Variants in NRXN1 observed in about 807,000 individuals in gnomAD.
NRXN1 encodes the protein neurexin-1.
A neutral mutation model predicts 150.9 loss-of-function variants in NRXN1; 39 were observed. The observed-to-expected ratio is 0.26, with a 90% CI of 0.20 to 0.34. NRXN1 has a LOEUF of 0.34. Ranked by LOEUF, NRXN1 falls within the 10% of genes least tolerant of loss-of-function variation. The pLI, the probability that NRXN1 is intolerant of heterozygous loss-of-function variation, is 1.00. For missense variants in NRXN1, 1,815 were observed against 1,949.9 expected, an observed-to-expected ratio of 0.93 and a Z score of 1.30; for synonymous variants, 924 against 757.0, an observed-to-expected ratio of 1.22 and a Z score of -3.62.
chr2:50,915,462 G>A (rs1685081910), intron 5 of NRXN1, among the ~76,000 whole-genome samples: 1 of 151,556 alleles, frequency 6.6e-6, no homozygotes, highest in Admixed American at 6.6e-5. Flanking sequence ...CAAAGTGGAG[G>A]CAAGCCTATT....
intron 18 of NRXN1, among the ~76,000 whole-genome samples, chr2:50,192,165 T>C (rs1270601861): frequency 6.6e-6 from 1 of 152,200 alleles, no homozygotes; most frequent in Non-Finnish European, 1.5e-5. Flanking sequence ...AAATAATTTA[T>C]TCAATTTCAG....
intron 18 of NRXN1, among the ~76,000 whole-genome samples, chr2:50,141,369 T>C (rs1174920164): frequency 6.6e-6 from 1 of 151,662 alleles, no homozygotes; most frequent in African/African-American, 2.4e-5. Flanking sequence ...GAAAAAAACA[T>C]AGGGAAAACA....
intron 19 of NRXN1, 23 bp from the exon 20 acceptor site, chr2:50,055,067 T>C (rs771174924): frequency 6.6e-7 from 1 of 1,516,786 alleles, no homozygotes; most frequent in Non-Finnish European, 9.0e-7. Context: ...AAGAGACATT[T>C]CATTGGTTAA....
At chr2:51,024,402 T>C (rs539192013) in intron 2 of NRXN1, among the ~76,000 whole-genome samples, 1 of 152,166 alleles carries the variant, frequency 6.6e-6, no homozygotes, top group Admixed American at 6.5e-5. Flanking sequence ...GAAAATAATC[T>C]CAACCCGAAT....
At chr2:50,396,164 A>G (rs2082038838) in intron 17 of NRXN1, among the ~76,000 whole-genome samples, 1 of 152,194 alleles carries the variant, frequency 6.6e-6, no homozygotes, top group Non-Finnish European at 1.5e-5. Context: ...CACCCTCTGC[A>G]AGAGCACATG....
At chr2:50,490,054 G>C (rs887463906) in intron 15 of NRXN1, among the ~76,000 whole-genome samples, 2 of 152,232 alleles carry the variant, frequency 1.3e-5, no homozygotes, top group East Asian at 3.8e-4. Context: ...TCACATCTCT[G>C]TCTGTCTTTC....
At chr2:50,969,295 G>GC (rs1558508841) in intron 2 of NRXN1, among the ~76,000 whole-genome samples, 1 of 151,794 alleles carries the variant, frequency 6.6e-6, no homozygotes, top group African/African-American at 2.4e-5. Context: ...CTTTTCTTTT[G>GC]CTTCTTCATT....
At chr2:50,191,465 T>TA (rs2061438798) in intron 18 of NRXN1, among the ~76,000 whole-genome samples, 1 of 152,210 alleles carries the variant, frequency 6.6e-6, no homozygotes, top group African/African-American at 2.4e-5. Flanking sequence ...TTTGTATAGT[T>TA]ATAGGTAGTT....
rs558243226 is a variant in NRXN1, at chr2:50,454,422, A to C, written c.3364+11020T>G. Among the ~76,000 whole-genome samples, 81 of 152,268 alleles carry C rather than the reference A, an allele frequency of 5.3e-4. 1 individual carries two copies. Among genetic ancestry groups the C allele is most frequent in the African/African-American group, 1.9e-3 (78 of 41,550 alleles). ...TGAAGAAAATAGAAAATGTTTGCTA[A>C]ATCCATCATCTCCCATGATATGTAT... On this transcript the variant is annotated intron_variant, in intron 17 of 22. Transcript: ENST00000401669.
chr2:49,941,828 A>G (rs1310986066), intron 22 of NRXN1, among the ~76,000 whole-genome samples: 2 of 152,172 alleles, frequency 1.3e-5, no homozygotes, highest in African/African-American at 4.8e-5. Context: ...ATGCTAGAGG[A>G]TGTCAGAGAA....
chr2:50,231,238 C>T (rs1398084896), intron 18 of NRXN1, among the ~76,000 whole-genome samples: 1 of 151,280 alleles, frequency 6.6e-6, no homozygotes, highest in African/African-American at 2.4e-5. Context: ...CAAGGAAAAC[C>T]CTGAGGGGAA....
chr2:50,964,638 C>G (rs1195537854), intron 2 of NRXN1, among the ~76,000 whole-genome samples: 1 of 151,442 alleles, frequency 6.6e-6, no homozygotes, highest in Non-Finnish European at 1.5e-5. Context: ...CGCTTCAGTA[C>G]AATTCATTAC....
intron 18 of NRXN1, among the ~76,000 whole-genome samples, chr2:50,205,274 G>A (rs2152837759): frequency 6.6e-6 from 1 of 152,190 alleles, no homozygotes; most frequent in East Asian, 1.9e-4. Flanking sequence ...ATGAGTATAT[G>A]TGCTGTAGAA....
intron 11 of NRXN1, among the ~76,000 whole-genome samples, 199 bp downstream of exon 11, chr2:50,531,028 G>T (rs2093087273): frequency 6.6e-6 from 1 of 151,980 alleles, no homozygotes; most frequent in African/African-American, 2.4e-5. Flanking sequence ...TCACAAAACA[G>T]TAAGTTATGT....
chr2:50,856,081 A>C (rs1052834378), intron 5 of NRXN1, among the ~76,000 whole-genome samples: 1 of 150,674 alleles, frequency 6.6e-6, no homozygotes, highest in Non-Finnish European at 1.5e-5. Flanking sequence ...GCATTGCATG[A>C]GACCTTTGTA....
At chr2:50,632,003 C>T (rs1174340378) in intron 5 of NRXN1, among the ~76,000 whole-genome samples, 1 of 151,722 alleles carries the variant, frequency 6.6e-6, no homozygotes, top group Non-Finnish European at 1.5e-5. Context: ...TTTCTGGGTG[C>T]CAATTAATGA....
At chr2:51,007,316 A>T (rs1231346118) in intron 2 of NRXN1, among the ~76,000 whole-genome samples, 3 of 151,934 alleles carry the variant, frequency 2.0e-5, no homozygotes, top group Admixed American at 2.0e-4. Context: ...TACAATACTT[A>T]TTTGGAAGTC....
chr2:50,526,203 C>T (rs192438849), intron 12 of NRXN1, among the ~76,000 whole-genome samples: 76 of 152,184 alleles, frequency 5.0e-4, no homozygotes, highest in African/African-American at 1.6e-3. Context: ...TCCATTCAAA[C>T]GTAATAACTT....
chr2:50,495,708 G>T (rs1203462379), intron 15 of NRXN1, among the ~76,000 whole-genome samples, 197 bp downstream of exon 15: 8 of 151,942 alleles, frequency 5.3e-5, no homozygotes, highest in Non-Finnish European at 1.2e-4. Context: ...TTTTTGAGCT[G>T]TTATTAAAAA....
Sources: gnomAD v4.1 joint callset for allele counts (sites outside exome capture counted in the v4.1 genomes callset) on GRCh38, gnomAD v4.1.1 for gene constraint, MANE v1.5 for transcripts, NCBI Gene and HGNC (gene_info 2026-07-23, HGNC 2026-07-21) for gene names.